The following COP1 variants were observed in gnomAD, a reference collection of about 807,000 sequenced individuals.
COP1 encodes COP1 E3 ubiquitin ligase.
COP1 carries 24 observed loss-of-function variants against 101.3 expected under a neutral mutation model. That is an observed-to-expected ratio of 0.24 (90% CI 0.17 to 0.33). The LOEUF (loss-of-function observed/expected upper bound fraction) is 0.33. Ranked by LOEUF, COP1 falls within the 10% of genes least tolerant of loss-of-function variation. The pLI, the probability that COP1 is intolerant of heterozygous loss-of-function variation, is 1.00. For missense variants in COP1, 663 were observed against 906.2 expected, an observed-to-expected ratio of 0.73 and a Z score of 3.45; for synonymous variants, 347 against 341.9, an observed-to-expected ratio of 1.01 and a Z score of -0.17.
At chr1:176,139,310 A>G (rs1690305789) in intron 6 of COP1, among the ~76,000 whole-genome samples, 1 of 151,424 alleles carries the variant, frequency 6.6e-6, no homozygotes, top group Non-Finnish European at 1.5e-5. Flanking sequence ...ACAAAAAAAG[A>G]GATGCTGGTG....
chr1:176,026,082 G>A (rs527474687), intron 15 of COP1, among the ~76,000 whole-genome samples: 21 of 151,966 alleles, frequency 1.4e-4, no homozygotes, highest in Non-Finnish European at 2.6e-4. Context: ...AAAATTAAAT[G>A]AGAAAAATAA....
At chr1:176,172,149 A>C (rs543814630) in intron 3 of COP1, among the ~76,000 whole-genome samples, 115 of 152,304 alleles carry the variant, frequency 7.6e-4, no homozygotes, top group Non-Finnish European at 1.2e-3. Flanking sequence ...CCTCAGGCTC[A>C]CATGATCCTC....
intron 15 of COP1, among the ~76,000 whole-genome samples, chr1:175,994,025 A>G (rs1245429525): frequency 1.3e-5 from 2 of 152,256 alleles, no homozygotes; most frequent in East Asian, 3.8e-4. Context: ...AGGGAAGCCC[A>G]TCAGACTAAG....
intron 1 of COP1, among the ~76,000 whole-genome samples, chr1:176,190,791 A>T (rs1037121150): frequency 6.6e-6 from 1 of 152,078 alleles, no homozygotes; most frequent in Non-Finnish European, 1.5e-5. Flanking sequence ...ACTAATATGT[A>T]CATAGTTCAA....
intron 15 of COP1, among the ~76,000 whole-genome samples, chr1:175,996,208 T>TA (rs1273720507): frequency 7.2e-5 from 11 of 152,206 alleles, no homozygotes; most frequent in African/African-American, 2.7e-4. Flanking sequence ...CCCTTTGTGC[T>TA]AAAAACTCTC....
At chr1:176,046,015 G>A (rs1167613450) in intron 12 of COP1, among the ~76,000 whole-genome samples, 166 bp downstream of exon 12, 3 of 150,394 alleles carry the variant, frequency 2.0e-5, no homozygotes, top group Non-Finnish European at 3.0e-5. Flanking sequence ...ACCAATATCT[G>A]TAAGAAAGAT....
intron 1 of COP1, among the ~76,000 whole-genome samples, chr1:176,187,541 T>C (rs562681783): frequency 2.6e-5 from 4 of 152,242 alleles, no homozygotes; most frequent in Admixed American, 2.6e-4. Context: ...GAGCCACTTA[T>C]TCCTGGCTGA....
intron 9 of COP1, among the ~76,000 whole-genome samples, chr1:176,087,648 C>T (rs1680469258): frequency 6.6e-6 from 1 of 152,208 alleles, no homozygotes; most frequent in South Asian, 2.1e-4. Context: ...CGCTTTTACA[C>T]TGTTGGTGGG....
At chr1:176,137,028 G>A (rs1221919286) in intron 6 of COP1, among the ~76,000 whole-genome samples, 8 of 152,112 alleles carry the variant, frequency 5.3e-5, no homozygotes, top group South Asian at 4.1e-4. Context: ...TATTACAGGC[G>A]TGAGCCACTG....
At chr1:175,989,137 T>A in intron 16 of COP1, 1 of 355,706 alleles carries the variant, frequency 2.8e-6, no homozygotes, top group Non-Finnish European at 5.1e-6. Flanking sequence ...TATAAAAAAC[T>A]AGTATCTTCA....
chr1:176,060,912 T>A (rs1378050557), intron 11 of COP1, among the ~76,000 whole-genome samples: 3 of 152,154 alleles, frequency 2.0e-5, no homozygotes, highest in African/African-American at 7.2e-5. Flanking sequence ...TTTTACCAGA[T>A]AAATCCCTTC....
At chr1:176,100,828 C>T (rs1015018030) in intron 9 of COP1, among the ~76,000 whole-genome samples, 2 of 152,164 alleles carry the variant, frequency 1.3e-5, no homozygotes, top group African/African-American at 2.4e-5. Flanking sequence ...TTCACCATAG[C>T]ATTCAGCTTA....
rs551687506 is a variant in COP1 at position 176,091,954 on chromosome 1, A to G, written c.1027-6064T>C. ...ATAACATGAAAGAATACTAACTAAAAGAGAAAAAATAGATTCAAGATGAAA... is the reference window on the plus strand; with the variant it reads ...ATAACATGAAAGAATACTAACTAAAGGAGAAAAAATAGATTCAAGATGAAA... On this transcript the variant is annotated intron_variant, in intron 9 of 19. Transcript: ENST00000367669. 2.0e-5 allele frequency among the ~76,000 whole-genome samples: 3 copies of G among 152,270 alleles called. No individual in the cohort carries two copies. The South Asian group carries it at 6.2e-4, about 32-fold the overall frequency.
intron 11 of COP1, among the ~76,000 whole-genome samples, chr1:176,047,767 G>A (rs1557998093): frequency 1.3e-5 from 2 of 152,128 alleles, no homozygotes; most frequent in African/African-American, 2.4e-5. Flanking sequence ...TGGTAAGTAA[G>A]AAAAAGACAC....
At chr1:176,047,727 GATTT>G (rs1249775012) in intron 11 of COP1, among the ~76,000 whole-genome samples, 1 of 152,064 alleles carries the variant, frequency 6.6e-6, no homozygotes, top group Non-Finnish European at 1.5e-5. Flanking sequence ...AATGATTAAT[GATTT>G]ATTAAGAAGC....
intron 9 of COP1, among the ~76,000 whole-genome samples, chr1:176,086,357 C>CT (rs1680169234): frequency 6.6e-6 from 1 of 151,574 alleles, no homozygotes; most frequent in African/African-American, 2.4e-5. Flanking sequence ...TCCCAAGTAG[C>CT]TGGGACTACA....
chr1:176,067,330 T>G (rs1676167212), intron 11 of COP1, among the ~76,000 whole-genome samples: 1 of 152,122 alleles, frequency 6.6e-6, no homozygotes. Flanking sequence ...TTTCTGTTTT[T>G]GTGCTCAAAT....
intron 8 of COP1, among the ~76,000 whole-genome samples, chr1:176,122,802 G>C (rs372608244): frequency 1.3e-5 from 2 of 152,136 alleles, no homozygotes; most frequent in Admixed American, 1.3e-4. Context: ...TTTGTAAGAG[G>C]AGTTTCCTTA....
chr1:176,032,238 T>C (rs1668761956), intron 14 of COP1, among the ~76,000 whole-genome samples: 1 of 152,178 alleles, frequency 6.6e-6, no homozygotes, highest in African/African-American at 2.4e-5. Flanking sequence ...AGAGTGCTAT[T>C]TCAACAAAAA....
Sources: allele counts gnomAD v4.1 joint callset (sites outside exome capture counted in the v4.1 genomes callset), GRCh38; gene constraint gnomAD v4.1.1; transcripts MANE v1.5; gene names NCBI Gene and HGNC (gene_info 2026-07-23, HGNC 2026-07-21).